The following PSD variants were observed in gnomAD, a reference collection of about 807,000 sequenced individuals.
PSD encodes pleckstrin and Sec7 domain containing, also known as PH and SEC7 domain-containing protein 1.
PSD carries 32 observed loss-of-function variants against 91.6 expected under a neutral mutation model. The observed-to-expected ratio is 0.35, with a 90% CI of 0.26 to 0.47. PSD has a LOEUF of 0.47. Ranked by LOEUF, PSD falls within the 20% of genes least tolerant of loss-of-function variation. PSD has a pLI of 1.00. For missense variants in PSD, 1,099 were observed against 1,373.9 expected (o/e 0.80, Z 3.16); for synonymous variants, 532 against 569.3 (o/e 0.93, Z 0.93).
Position 102,407,209 on chromosome 10 carries a change from GC to G in PSD, c.2135+13del. ...TGCCCCATCCTAGCCCCACCACGCAGCCCCGGGACTCACATGGCCCACTGCA... is the reference window on the plus strand; with the variant it reads ...TGCCCCATCCTAGCCCCACCACGCAGCCCGGGACTCACATGGCCCACTGCA... On this transcript the variant is annotated intron_variant, in intron 11 of 16. Coordinates refer to ENST00000020673, the MANE Select transcript of PSD (RefSeq NM_002779.5). 6.3e-7 allele frequency: 1 copy of G among 1,596,134 alleles called. No individual in the cohort carries two copies. Among genetic ancestry groups the G allele is most frequent in the African/African-American group, 1.3e-5 (1 of 74,268 alleles).
intron 10 of PSD, chr10:102,408,912 G>A (rs1250543092): frequency 1.0e-6 from 1 of 987,348 alleles, no homozygotes; most frequent in Non-Finnish European, 1.2e-6. Context: ...TTCTTCTTGC[G>A]GCTCTGCAGG....
intron 10 of PSD, chr10:102,408,904 C>G: frequency 1.0e-6 from 1 of 986,400 alleles, no homozygotes; most frequent in Non-Finnish European, 1.2e-6. Context: ...CCGCCTTTTT[C>G]TTCTTGCGGC....
chr10:102,403,382 C>T lies in PSD; in HGVS notation c.2893G>A (p.Ala965Thr), dbSNP rs750346841. Residue 965 changes from alanine (A) to threonine (T), a missense_variant, in exon 17 of 17, where the codon GCA becomes ACA. By Grantham distance (58) the Ala-to-Thr change is moderately conservative. Around this residue, in one of 3 missense-constraint regions of PSD, gnomAD observed 358 missense variants for 426.5 expected, o/e 0.84. Transcript: ENST00000020673. The surrounding 1 kb of genome is among the most constrained non-coding windows in gnomAD (Gnocchi z 6.7). ...ACTGCATCCAGCTCCTCACTGCCTG[C>T]CTTCAGCTTGACCCGAAGCAGCGCT... ...YAALLRVKLK[A>T]GSEELDAVEA... 3 of 1,613,634 alleles carry T rather than the reference C, an allele frequency of 1.9e-6. No homozygotes were observed. In the African/African-American group the frequency reaches 4.0e-5, roughly 22 times the overall value.
rs975965482 is a variant in PSD, at chr10:102,413,858, C to T, written c.1464G>A (p.Glu488=). 5.0e-6 allele frequency: 8 copies of T among 1,614,034 alleles called. No individual in the cohort carries two copies. In the Admixed American group the frequency reaches 1.2e-4, roughly 24 times the overall value. ...WTQRGEEEEA[E]ARAKLAPGRE... is the part of the protein sequence containing the mutation. Reference sequence around the variant, plus strand: ...TCCCTGGGGCCAGCTTGGCTCTGGCCTCTGCCTCCTCCTCCTCCCCTCTCT... The same window carrying T: ...TCCCTGGGGCCAGCTTGGCTCTGGCTTCTGCCTCCTCCTCCTCCCCTCTCT... Residue 488 remains glutamate (E), a synonymous_variant, in exon 5 of 17, where the codon GAG becomes GAA. Coordinates refer to ENST00000020673, the MANE Select transcript of PSD (RefSeq NM_002779.5).
rs748167419 is a variant in PSD, at chr10:102,404,988, G to A, written c.2465C>T (p.Ala822Val). 1.2e-6 allele frequency: 2 copies of A among 1,614,108 alleles called. No individual in the cohort carries two copies. Among genetic ancestry groups the A allele is most frequent in the South Asian group, 1.1e-5 (1 of 91,088 alleles). ...GTAGTCACTGGCACGAGTGGCCAGGGCATGGTGGATGCTGATGGCATTCTT... is the reference window on the plus strand; with the variant it reads ...GTAGTCACTGGCACGAGTGGCCAGGACATGGTGGATGCTGATGGCATTCTT... ...ELKNAISIHH[A>V]LATRASDYSK... Residue 822 changes from alanine (A) to valine (V), a missense_variant, in exon 14 of 17, where the codon GCC becomes GTC. By Grantham distance (64) the Ala-to-Val change is moderately conservative. Transcript: ENST00000020673. The surrounding 1 kb of genome is among the most constrained non-coding windows in gnomAD (Gnocchi z 5.7).
rs1589895566 is a variant in PSD, at chr10:102,417,091, A to G, written c.-53T>C. ...GCAGGGATGGCGAGGCCAGGCGGGG[A>G]GTAAGGGGGCTGCATGCTCTTCAGA... On this transcript the variant is annotated 5_prime_UTR_variant, in exon 2 of 17. Transcript: ENST00000020673. 9.7e-7 allele frequency: 1 copy of G among 1,031,274 alleles called. No homozygotes were observed. Among genetic ancestry groups the G allele is most frequent in the Non-Finnish European group, 1.4e-6 (1 of 706,786 alleles). 63.9% of individuals were successfully genotyped at this position (1,031,274 alleles called of 1,614,324 possible). A position where few individuals can be genotyped will look rare whatever the true frequency, so the allele number is the denominator to read the frequency against.
At position 102,405,645 on chromosome 10, in the gene PSD, G is replaced by A; in HGVS notation, c.2136-109C>T. 3.8e-6 allele frequency: 4 copies of A among 1,047,690 alleles called. No homozygotes were observed. The highest frequency in any genetic ancestry group is 5.4e-6 in the Non-Finnish European group (4 of 736,060). 64.9% of individuals were successfully genotyped at this position (1,047,690 alleles called of 1,614,324 possible). A position where few individuals can be genotyped will look rare whatever the true frequency, so the allele number is the denominator to read the frequency against. On this transcript the variant is annotated intron_variant, in intron 11 of 16. Transcript: ENST00000020673. The surrounding 1 kb of genome is among the most constrained non-coding windows in gnomAD (Gnocchi z 5.4). ...GCTCCCCCAGTGTTTGTGGCTTGGG[G>A]GGCTCAACCTGAGGGTCCTGCCATG...
intron 1 of PSD, among the ~76,000 whole-genome samples, chr10:102,417,707 CTTT>C (rs5787453): frequency 2.1e-4 from 26 of 122,878 alleles, no homozygotes; most frequent in Admixed American, 3.3e-4. Context: ...GGACATTCTT[CTTT>C]TTTTTTTTTT....
In PSD at chr10:102,414,146, C is replaced by G; in HGVS notation, c.1176G>C (p.Thr392=). Residue 392 remains threonine (T), a synonymous_variant, in exon 5 of 17, where the codon ACG becomes ACC. Transcript: ENST00000020673. This position sits in a 1 kb window ranked among gnomAD's most constrained non-coding sequence, Gnocchi z 5.6. ...AGTCAGGCCCATCAGCCGAGGGGCTCGTCCCAGGTAGAAAGGGCACAGGTG... is the reference window on the plus strand; with the variant it reads ...AGTCAGGCCCATCAGCCGAGGGGCTGGTCCCAGGTAGAAAGGGCACAGGTG... ...LKSPVPFLPG[T]SPSADGPDSF... is the part of the protein sequence containing the mutation. 3.1e-6 allele frequency: 5 copies of G among 1,613,900 alleles called. No individual in the cohort carries two copies. Among genetic ancestry groups the G allele is most frequent in the Non-Finnish European group, 4.2e-6 (5 of 1,179,900 alleles).
In PSD at chr10:102,414,992, G is replaced by A. The variant is rs1231488411; in HGVS notation, c.995C>T (p.Ala332Val). The A allele has an allele frequency of 1.9e-6, 3 of 1,603,308 alleles. No homozygotes were observed. The highest frequency in any genetic ancestry group is 1.7e-4 in the Middle Eastern group (1 of 6,034). The change falls in exon 4 of 17, where the codon GCC (alanine) becomes GTC (valine). Residue 332 changes from alanine to valine, a missense_variant. Transcript: ENST00000020673. The surrounding 1 kb of genome is among the most constrained non-coding windows in gnomAD (Gnocchi z 5.6). ...GCCAGGGAGTGGGCCGGGCCGTGGG[G>A]CAGGTGGGTAGGCAGTGCCTGGTGG... ...EGPPGTAYPPAPRPGPLPGPH... is the reference protein window; with the variant it reads ...EGPPGTAYPPVPRPGPLPGPH...
chr10:102,405,364 C>T lies in PSD; in HGVS notation c.2308G>A (p.Asp770Asn). 6.2e-7 allele frequency: 1 copy of T among 1,612,504 alleles called. No individual in the cohort carries two copies. Among genetic ancestry groups the T allele is most frequent in the Non-Finnish European group, 8.5e-7 (1 of 1,179,706 alleles). Reference sequence around the variant, plus strand: ...CACATACTCTTCCTGCAGTCAGGGTCTGCGTGCACCTTTCGCACCAGGGCC... The same window carrying T: ...CACATACTCTTCCTGCAGTCAGGGTTTGCGTGCACCTTTCGCACCAGGGCC... ...HGALVRKVHA[D>N]PDCRKTPRGK... Residue 770 changes from aspartate (D) to asparagine (N), a missense_variant, in exon 12 of 17, where the codon GAC becomes AAC. This residue lies in a region of PSD where 358 missense variants were observed against 426.5 expected (regional missense o/e 0.84). Transcript: ENST00000020673. The surrounding 1 kb of genome is among the most constrained non-coding windows in gnomAD (Gnocchi z 5.4).
chr10:102,405,335 C>T lies in PSD; in HGVS notation c.2326+11G>A, dbSNP rs1198819303. Reference sequence around the variant, plus strand: ...CCCTAGACGCCCGCCCCCCGCAACTCGGCCACATACTCTTCCTGCAGTCAG... The same window carrying T: ...CCCTAGACGCCCGCCCCCCGCAACTTGGCCACATACTCTTCCTGCAGTCAG... On this transcript the variant is annotated intron_variant, in intron 12 of 16. Transcript: ENST00000020673. This position sits in a 1 kb window ranked among gnomAD's most constrained non-coding sequence, Gnocchi z 5.4. 3.7e-6 allele frequency: 6 copies of T among 1,608,522 alleles called. No individual in the cohort carries two copies. The highest frequency in any genetic ancestry group is 5.1e-6 in the Non-Finnish European group (6 of 1,177,946).
At chr10:102,419,256 C>G (rs2061526916), upstream of PSD, 1 of 155,314 alleles carries the variant, frequency 6.4e-6, no homozygotes, top group African/African-American at 2.4e-5. This position sits in a 1 kb window ranked among gnomAD's most constrained non-coding sequence, Gnocchi z 4.8. Context: ...GAAAGGAGAT[C>G]TAGGGAACAC....
At position 102,403,286 on chromosome 10, in the gene PSD, G is replaced by A; in HGVS notation, c.2989C>T (p.Gln997Ter). 1 of 1,613,570 alleles carries A rather than the reference G, an allele frequency of 6.2e-7. No homozygotes were observed. The highest frequency in any genetic ancestry group is 2.2e-5 in the East Asian group (1 of 44,868). Reference protein sequence around the residue: ...LPPSHSSPSLQPKPSSQPRAQ... With the variant: ...LPPSHSSPSL Reference sequence around the variant, plus strand: ...CGGGGCTGGCTGGAGGGTTTGGGCTGCAGGGAGGGACTGGAGTGAGAAGGA... The same window carrying A: ...CGGGGCTGGCTGGAGGGTTTGGGCTACAGGGAGGGACTGGAGTGAGAAGGA... Residue 997 changes from glutamine to a stop codon, truncating the protein, a stop_gained, in exon 17 of 17, where the codon CAG becomes TAG. Coordinates refer to ENST00000020673, the MANE Select transcript of PSD (RefSeq NM_002779.5). LOFTEE classifies it high-confidence loss of function. This position sits in a 1 kb window ranked among gnomAD's most constrained non-coding sequence, Gnocchi z 6.7.
In PSD at chr10:102,405,161, G is replaced by A. The variant is rs752288784; in HGVS notation, c.2397+22C>T. On this transcript the variant is annotated intron_variant, in intron 13 of 16. Transcript: ENST00000020673. This position sits in a 1 kb window ranked among gnomAD's most constrained non-coding sequence, Gnocchi z 5.4. The stretch of plus-strand genomic sequence containing the variant: ...ACCAGCCAACTCAGTCCCAGCCCCA[G>A]CCCCCTGGCCTGACCCCGCACCTTC... 13 of 1,609,928 alleles carry A rather than the reference G, an allele frequency of 8.1e-6. No individual in the cohort carries two copies. The highest frequency in any genetic ancestry group is 1.1e-5 in the Non-Finnish European group (13 of 1,179,250).
Position 102,416,467 on chromosome 10 carries a change from G to A in PSD, c.572C>T (p.Ser191Phe). Reference protein sequence around the residue: ...PQVGADGLYSSLPNGLGGPPE... With the variant: ...PQVGADGLYSFLPNGLGGPPE... Reference sequence around the variant, plus strand: ...GGGGCCCCCCAGCCCATTGGGGAGAGAGGAGTAAAGGCCATCTGCTCCAAC... The same window carrying A: ...GGGGCCCCCCAGCCCATTGGGGAGAAAGGAGTAAAGGCCATCTGCTCCAAC... Residue 191 changes from serine (S) to phenylalanine (F), a missense_variant, in exon 2 of 17, where the codon TCT becomes TTT. Ser to Phe is a radical substitution (Grantham distance 155). Around this residue, in one of 3 missense-constraint regions of PSD, gnomAD observed 631 missense variants for 728.8 expected, o/e 0.87. Transcript: ENST00000020673. This position sits in a 1 kb window ranked among gnomAD's most constrained non-coding sequence, Gnocchi z 6.0. The A allele has an allele frequency of 6.2e-7, 1 of 1,613,488 alleles. No individual in the cohort carries two copies. Among genetic ancestry groups the A allele is most frequent in the Non-Finnish European group, 8.5e-7 (1 of 1,179,752 alleles).
At chr10:102,406,747 T>C (rs148337160) in intron 11 of PSD, among the ~76,000 whole-genome samples, 8,881 of 152,296 alleles carry the variant, frequency 0.058, 299 homozygotes, top group African/African-American at 0.073. Context: ...CCTCGTGATC[T>C]GCCCGCCTTG....
rs531439123 is a variant in PSD, at chr10:102,403,480, C to T, written c.2845-50G>A. ...GAGAGCCTCTTCTCTGCCTTCTGCCCACCCCACCATCTGGACCAGGGAGGG... is the reference window on the plus strand; with the variant it reads ...GAGAGCCTCTTCTCTGCCTTCTGCCTACCCCACCATCTGGACCAGGGAGGG... On this transcript the variant is annotated intron_variant, in intron 16 of 16. Coordinates refer to ENST00000020673, the MANE Select transcript of PSD (RefSeq NM_002779.5). This position sits in a 1 kb window ranked among gnomAD's most constrained non-coding sequence, Gnocchi z 6.7. 2.0e-6 allele frequency: 3 copies of T among 1,518,016 alleles called. No individual in the cohort carries two copies. Among genetic ancestry groups the T allele is most frequent in the Middle Eastern group, 1.8e-4 (1 of 5,704 alleles). The allele number at this position is 1,518,016 out of a possible 1,614,324, so 94.0% of individuals were successfully genotyped here. A position where few individuals can be genotyped will look rare whatever the true frequency, so the allele number is the denominator to read the frequency against.
chr10:102,404,691 G>A lies in PSD; in HGVS notation c.2592C>T (p.Ile864=), dbSNP rs773371697. The A allele has an allele frequency of 1.1e-5, 18 of 1,601,110 alleles. No individual in the cohort carries two copies. The South Asian group carries it at 2.0e-4, about 18-fold the overall frequency. ...CAGAGAACATAGCGGCTACTACATTGATGCGAGTGATCCAGGACTGCATCT... is the reference window on the plus strand; with the variant it reads ...CAGAGAACATAGCGGCTACTACATTAATGCGAGTGATCCAGGACTGCATCT... ...LEQMQSWITR[I]NVVAAMFSAP... is the part of the protein sequence containing the mutation. Residue 864 remains isoleucine, a synonymous_variant, in exon 15 of 17, where the codon ATC becomes ATT. Transcript: ENST00000020673. The surrounding 1 kb of genome is among the most constrained non-coding windows in gnomAD (Gnocchi z 5.7).
Sources: allele counts gnomAD v4.1 joint callset (sites outside exome capture counted in the v4.1 genomes callset), GRCh38; gene constraint gnomAD v4.1.1; regional missense constraint gnomAD v4.1.1; non-coding constraint Gnocchi (gnomAD v3.1); transcripts MANE v1.5; gene names NCBI Gene and HGNC (gene_info 2026-07-23, HGNC 2026-07-21).